The following AGAP1 variants were observed in gnomAD, a reference collection of about 807,000 sequenced individuals.
The protein encoded by AGAP1 is arf-GAP with GTPase, ANK repeat and PH domain-containing protein 1.
In AGAP1, 29 loss-of-function variants were observed where a neutral mutation model predicts 105.3. The ratio of observed to expected loss-of-function variants is 0.28; its 90% CI spans 0.21 to 0.38. The LOEUF (loss-of-function observed/expected upper bound fraction) is 0.38, where lower values mean the gene tolerates loss of function less well. AGAP1 is among the 10% of genes least tolerant of loss of function. AGAP1 has a pLI of 1.00. For missense variants in AGAP1, 998 were observed against 1,165.1 expected (o/e 0.86, Z 2.09); for synonymous variants, 509 against 485.9 (o/e 1.05, Z -0.63).
intron 13 of AGAP1, among the ~76,000 whole-genome samples, chr2:236,024,038 T>TGTTTTTTG (rs200559230): frequency 1.4e-5 from 2 of 146,978 alleles, no homozygotes; most frequent in African/African-American, 5.1e-5. Context: ...TTTTTTGTTT[T>TGTTTTTTG]TTTTTTTTTT....
chr2:235,634,046 G>A (rs546089177), intron 1 of AGAP1, among the ~76,000 whole-genome samples: 1 of 152,162 alleles, frequency 6.6e-6, no homozygotes, highest in Non-Finnish European at 1.5e-5. Context: ...GCAGCCTGGT[G>A]CCCTGATTTT....
chr2:235,682,809 T>TGTGC (rs1949156064), intron 1 of AGAP1, among the ~76,000 whole-genome samples: 1 of 151,700 alleles, frequency 6.6e-6, no homozygotes, highest in African/African-American at 2.4e-5. Flanking sequence ...TGTGTGTGTG[T>TGTGC]GTGTGTGTGT....
intron 11 of AGAP1, among the ~76,000 whole-genome samples, chr2:235,923,768 T>G (rs917806580): frequency 1.3e-5 from 2 of 152,232 alleles, no homozygotes; most frequent in Admixed American, 6.5e-5. Flanking sequence ...GGGGCTGTTA[T>G]GAGCAGTGCT....
intron 6 of AGAP1, among the ~76,000 whole-genome samples, chr2:235,786,576 GCT>G (rs1956650793): frequency 6.6e-6 from 1 of 152,192 alleles, no homozygotes; most frequent in African/African-American, 2.4e-5. Context: ...GGTACACTCA[GCT>G]CTCTAAGAGA....
At chr2:235,671,347 T>A (rs997261624) in intron 1 of AGAP1, among the ~76,000 whole-genome samples, 3 of 152,182 alleles carry the variant, frequency 2.0e-5, no homozygotes, top group African/African-American at 7.2e-5. Context: ...CTCCTTCGCG[T>A]GCTCGCTGGG....
At position 235,893,883 on chromosome 2, in the gene AGAP1, G is replaced by A. The variant is rs1199956128; in HGVS notation, c.1155+10434G>A. Among the ~76,000 whole-genome samples the A allele has an allele frequency of 1.3e-5, 2 of 152,126 alleles. No homozygotes were observed. Among genetic ancestry groups the A allele is most frequent in the Non-Finnish European group, 2.9e-5 (2 of 68,034 alleles). ...GCCCTCAACATTGACAATCCTGGCTGTGCTCTACAGATTGTGGTATGATTG... is the reference window on the plus strand; with the variant it reads ...GCCCTCAACATTGACAATCCTGGCTATGCTCTACAGATTGTGGTATGATTG... On this transcript the variant is annotated intron_variant, in intron 10 of 17. Coordinates refer to ENST00000304032, the MANE Select transcript of AGAP1 (RefSeq NM_001037131.3). The surrounding 1 kb of genome is among the most constrained non-coding windows in gnomAD (Gnocchi z 4.7).
intron 13 of AGAP1, among the ~76,000 whole-genome samples, chr2:236,007,731 T>G (rs761795076): frequency 1.3e-5 from 2 of 152,250 alleles, no homozygotes; most frequent in Non-Finnish European, 2.9e-5. Context: ...GATGAATGTT[T>G]CCCATTATCA....
chr2:235,967,578 A>G lies in AGAP1; in HGVS notation c.1484-884A>G, dbSNP rs1035682882. Among the ~76,000 whole-genome samples the G allele has an allele frequency of 2.0e-5, 3 of 152,204 alleles. No individual in the cohort carries two copies. Among genetic ancestry groups the G allele is most frequent in the African/African-American group, 4.8e-5 (2 of 41,448 alleles). ...GTGCTCAAAAAATACCAGCTGAATGAGTGCGGTGTGCTGTACAGAACTCTG... is the reference window on the plus strand; with the variant it reads ...GTGCTCAAAAAATACCAGCTGAATGGGTGCGGTGTGCTGTACAGAACTCTG... On this transcript the variant is annotated intron_variant, in intron 12 of 17. Transcript: ENST00000304032. The surrounding 1 kb of genome is among the most constrained non-coding windows in gnomAD (Gnocchi z 4.7).
rs1339144803 is a variant in AGAP1, at chr2:236,014,810, C to T, written c.1646-21751C>T. 1.5e-5 allele frequency: 7 copies of T among 455,656 alleles called. No individual in the cohort carries two copies. The highest frequency in any genetic ancestry group is 3.2e-5 in the South Asian group (2 of 62,306). 28.2% of individuals were successfully genotyped at this position (455,656 alleles called of 1,614,324 possible). On this transcript the variant is annotated intron_variant, in intron 13 of 17. Transcript: ENST00000304032. The surrounding 1 kb of genome is among the most constrained non-coding windows in gnomAD (Gnocchi z 6.3). ...TTTCTGCTCTCGGGATGCAGCCAAA[C>T]GCAAAGCATGGAAACTAAACCGTGT...
In AGAP1 at chr2:235,970,185, G is replaced by A. The variant is rs2054582200; in HGVS notation, c.1645+1562G>A. Among the ~76,000 whole-genome samples the A allele has an allele frequency of 6.9e-6, 1 of 144,914 alleles. No individual in the cohort carries two copies. The highest frequency in any genetic ancestry group is 2.3e-4 in the South Asian group (1 of 4,346). ...CCACTGCACTCCAGCCTGGGCGGGC[G>A]ACAGAGTGAGACTCTGTCTTTAAAA... On this transcript the variant is annotated intron_variant, in intron 13 of 17. Coordinates refer to ENST00000304032, the MANE Select transcript of AGAP1 (RefSeq NM_001037131.3). The surrounding 1 kb of genome is among the most constrained non-coding windows in gnomAD (Gnocchi z 5.4).
chr2:235,765,540 C>T (rs1003721476), intron 6 of AGAP1, among the ~76,000 whole-genome samples: 1 of 152,180 alleles, frequency 6.6e-6, no homozygotes, highest in Non-Finnish European at 1.5e-5. Flanking sequence ...CGTGGTCAGT[C>T]CTGGTGCCGT....
At chr2:235,526,349 C>T (rs557174379) in intron 1 of AGAP1, among the ~76,000 whole-genome samples, 23 of 152,204 alleles carry the variant, frequency 1.5e-4, no homozygotes, top group Non-Finnish European at 3.1e-4. Context: ...CAGCTGTGCT[C>T]TTGGTCCTGT....
chr2:235,594,335 A>G (rs1244337901), intron 1 of AGAP1, among the ~76,000 whole-genome samples: 1 of 151,762 alleles, frequency 6.6e-6, no homozygotes, highest in South Asian at 2.1e-4. Flanking sequence ...ACTGAACCTG[A>G]AAAACAAAAT....
At chr2:235,528,842 T>G in intron 1 of AGAP1, among the ~76,000 whole-genome samples, 1 of 149,456 alleles carries the variant, frequency 6.7e-6, no homozygotes, top group Non-Finnish European at 1.5e-5. Context: ...CATGCCCGGC[T>G]AATCTTGTAT....
chr2:235,827,349 T>C (rs1474057468), intron 9 of AGAP1, among the ~76,000 whole-genome samples: 1 of 152,132 alleles, frequency 6.6e-6, no homozygotes, highest in Non-Finnish European at 1.5e-5. Flanking sequence ...AGGGCACAGC[T>C]CCTGACCCAC....
intron 1 of AGAP1, among the ~76,000 whole-genome samples, chr2:235,704,506 T>C (rs781542996): frequency 1.1e-4 from 17 of 152,020 alleles, no homozygotes; most frequent in Non-Finnish European, 2.5e-4. Context: ...ATTACCCAGA[T>C]GTGGTGGCGG....
rs953241146 is a variant in AGAP1, at chr2:235,989,961, C to T, written c.1645+21338C>T. ...CAAATGCGTAGCCGGGGTTGGGAAC[C>T]AGTGGTTTAGGTTAAGATCAGCTAG... On this transcript the variant is annotated intron_variant, in intron 13 of 17. Coordinates refer to ENST00000304032, the MANE Select transcript of AGAP1 (RefSeq NM_001037131.3). This position sits in a 1 kb window ranked among gnomAD's most constrained non-coding sequence, Gnocchi z 4.4. Among the ~76,000 whole-genome samples the T allele has an allele frequency of 4.6e-5, 7 of 151,992 alleles. No homozygotes were observed. The highest frequency in any genetic ancestry group is 8.8e-5 in the Non-Finnish European group (6 of 67,996).
At chr2:235,605,216 A>G (rs568798640) in intron 1 of AGAP1, among the ~76,000 whole-genome samples, 4 of 152,350 alleles carry the variant, frequency 2.6e-5, no homozygotes, top group East Asian at 1.9e-4. Flanking sequence ...ATAGTAATAA[A>G]TAAGTGGTAA....
chr2:235,604,841 C>G (rs1463076553), intron 1 of AGAP1, among the ~76,000 whole-genome samples: 1 of 151,876 alleles, frequency 6.6e-6, no homozygotes, highest in Non-Finnish European at 1.5e-5. Context: ...CTCTTCCTCC[C>G]AAAGTGCTGG....
Sources: allele counts gnomAD v4.1 joint callset (sites outside exome capture counted in the v4.1 genomes callset), GRCh38; gene constraint gnomAD v4.1.1; non-coding constraint Gnocchi (gnomAD v3.1); transcripts MANE v1.5; gene names NCBI Gene and HGNC (gene_info 2026-07-23, HGNC 2026-07-21).